The following NRL variants were observed in gnomAD, a reference collection of about 807,000 sequenced individuals.
The protein encoded by NRL is neural retina leucine zipper, also known as neural retina-specific leucine zipper protein.
In NRL, 16 loss-of-function variants were observed where a neutral mutation model predicts 12.5. The ratio of observed to expected loss-of-function variants is 1.28; its 90% CI spans 0.87 to 1.95. NRL has a LOEUF of 1.95. Ranked by LOEUF, NRL falls within the 30% of genes most tolerant of loss-of-function variation. NRL has a pLI of 0.00. For synonymous variants in NRL, 142 were observed against 150.9 expected (o/e 0.94, Z 0.43); for missense variants, 314 against 325.8 (o/e 0.96, Z 0.28).
chr14:24,081,992 A>C lies in NRL; in HGVS notation c.382-424T>G. Reference sequence around the variant, plus strand: ...GTGACCCTCACAGGATTTGGATTACATCCTAATGCCCGCAACACCCCCATC... The same window carrying C: ...GTGACCCTCACAGGATTTGGATTACCTCCTAATGCCCGCAACACCCCCATC... On this transcript the variant is annotated intron_variant, in intron 2 of 2. Transcript: ENST00000561028. The surrounding 1 kb of genome is among the most constrained non-coding windows in gnomAD (Gnocchi z 4.4). 8.3e-7 allele frequency: 1 copy of C among 1,209,580 alleles called. No individual in the cohort carries two copies. Among genetic ancestry groups the C allele is most frequent in the East Asian group, 5.7e-5 (1 of 17,560 alleles). 74.9% of individuals were successfully genotyped at this position (1,209,580 alleles called of 1,614,324 possible).
At chr14:24,112,925 C>G (rs1365007066) in intron 1 of NRL, among the ~76,000 whole-genome samples, 1 of 174 alleles carries the variant, frequency 5.7e-3, no homozygotes, top group East Asian at 0.25. Context: ...AAGACACATG[C>G]ACACGTATGT....
Position 24,079,383 on chromosome 14 carries a change from C to G in NRL, c.*1853G>C, listed in dbSNP as rs1427305406. Reference sequence around the variant, plus strand: ...GGAAGGACCCTCCCTGCCCCATCCTCTCCCTTCAACAATGAGTGTGGAAGG... The same window carrying G: ...GGAAGGACCCTCCCTGCCCCATCCTGTCCCTTCAACAATGAGTGTGGAAGG... On this transcript the variant is annotated 3_prime_UTR_variant, in exon 3 of 3. Transcript: ENST00000561028. Among the ~76,000 whole-genome samples the G allele has an allele frequency of 6.6e-6, 1 of 152,216 alleles. No individual in the cohort carries two copies. The highest frequency in any genetic ancestry group is 1.5e-5 in the Non-Finnish European group (1 of 68,052).
intron 1 of NRL, among the ~76,000 whole-genome samples, chr14:24,108,435 T>C (rs2037371023): frequency 6.6e-6 from 1 of 152,018 alleles, no homozygotes; most frequent in South Asian, 2.1e-4. Context: ...ATTCCTGGGC[T>C]CAAATGATCC....
chr14:24,099,282 G>A (rs753577973), intron 1 of NRL: 4 of 1,545,678 alleles, frequency 2.6e-6, no homozygotes, highest in Non-Finnish European at 3.5e-6. Flanking sequence ...GACAGGGCAG[G>A]GGTGGGGCCT....
At chr14:24,110,828 C>T (rs1252230988) in intron 1 of NRL, among the ~76,000 whole-genome samples, 1 of 152,192 alleles carries the variant, frequency 6.6e-6, no homozygotes, top group Non-Finnish European at 1.5e-5. Flanking sequence ...CAGCTTCCCT[C>T]TAATAAGAAA....
Position 24,094,482 on chromosome 14 carries a change from G to T in NRL, c.-27-11607C>A. The T allele has an allele frequency of 6.7e-7, 1 of 1,486,824 alleles. No homozygotes were observed. Among genetic ancestry groups the T allele is most frequent in the Non-Finnish European group, 8.9e-7 (1 of 1,125,734 alleles). 92.1% of individuals were successfully genotyped at this position (1,486,824 alleles called of 1,614,324 possible). ...CCCACCCGCACCTTCCGCTGCGCTC[G>T]CCCCCTCGGGGCTGCCAGTGGCGCT... On this transcript the variant is annotated intron_variant, in intron 1 of 2. Coordinates refer to ENST00000561028, the MANE Select transcript of NRL (RefSeq NM_001354768.3). This position sits in a 1 kb window ranked among gnomAD's most constrained non-coding sequence, Gnocchi z 4.1.
chr14:24,097,572 AAAAAG>A (rs2036949471), intron 1 of NRL, among the ~76,000 whole-genome samples: 1 of 131,570 alleles, frequency 7.6e-6, no homozygotes, highest in South Asian at 2.7e-4. Context: ...CTCAAAAAAA[AAAAAG>A]AAAGAAACTG....
At chr14:24,088,871 T>A (rs2138894117) in intron 1 of NRL, among the ~76,000 whole-genome samples, 1 of 147,426 alleles carries the variant, frequency 6.8e-6, no homozygotes, top group South Asian at 2.2e-4. Flanking sequence ...AGTGGCGCGA[T>A]CTTGGCTGAC....
intron 1 of NRL, chr14:24,095,216 T>C (rs1594282418): frequency 2.2e-6 from 1 of 455,874 alleles, no homozygotes; most frequent in South Asian, 1.5e-5. Flanking sequence ...TTGTGGGTGG[T>C]CTCTGAAGGA....
intron 1 of NRL, among the ~76,000 whole-genome samples, 162 bp from the exon 2 acceptor site, chr14:24,083,037 G>A (rs2036368738): frequency 6.6e-6 from 1 of 152,216 alleles, no homozygotes; most frequent in Non-Finnish European, 1.5e-5. Context: ...CCAGGCTGAA[G>A]AGTAACCTTT....
At chr14:24,098,087 TG>T in intron 1 of NRL, 1 of 787,790 alleles carries the variant, frequency 1.3e-6, no homozygotes, top group Non-Finnish European at 2.0e-6. Context: ...TGTGATTGGG[TG>T]GGGAAACATA....
chr14:24,091,466 T>A (rs904832823), intron 1 of NRL, among the ~76,000 whole-genome samples: 5 of 152,106 alleles, frequency 3.3e-5, no homozygotes, highest in African/African-American at 1.2e-4. Flanking sequence ...CAAGTGGGGA[T>A]GTGGGGGTGA....
chr14:24,078,788 C>A lies in NRL; in HGVS notation c.*2448G>T, dbSNP rs557208534. ...AAGTGAGGCTTGATTTTAACCCACC[C>A]ATGGTCAAAAAACTGGTAGAACTGC... is the stretch of plus-strand genomic sequence containing the variant. On this transcript the variant is annotated 3_prime_UTR_variant, in exon 3 of 3. Coordinates refer to ENST00000561028, the MANE Select transcript of NRL (RefSeq NM_001354768.3). Among the ~76,000 whole-genome samples the A allele has an allele frequency of 2.0e-5, 3 of 152,220 alleles. No individual in the cohort carries two copies. Among genetic ancestry groups the A allele is most frequent in the African/African-American group, 7.2e-5 (3 of 41,536 alleles).
At chr14:24,093,021 G>A (rs1010184272) in intron 1 of NRL, among the ~76,000 whole-genome samples, 2 of 152,206 alleles carry the variant, frequency 1.3e-5, no homozygotes, top group Non-Finnish European at 2.9e-5. Context: ...TCCCAGAGAG[G>A]GATCTCATGC....
intron 1 of NRL, chr14:24,099,684 G>A (rs1209710448): frequency 1.2e-6 from 2 of 1,614,004 alleles, no homozygotes. Flanking sequence ...GGAGTGTGTG[G>A]GGGATGATAT....
intron 1 of NRL, chr14:24,103,547 CT>C: frequency 1.3e-6 from 2 of 1,567,476 alleles, no homozygotes; most frequent in Non-Finnish European, 1.7e-6. Flanking sequence ...CCATGCGGCC[CT>C]TTTTTGGCTA....
At chr14:24,103,941 G>A (rs760207332) in intron 1 of NRL, 2 of 1,613,874 alleles carry the variant, frequency 1.2e-6, no homozygotes, top group East Asian at 4.5e-5. Flanking sequence ...TGAGGCCCTG[G>A]AGAGACGTGT....
intron 1 of NRL, among the ~76,000 whole-genome samples, chr14:24,113,421 T>TA (rs1481735922): frequency 6.7e-5 from 10 of 149,952 alleles, no homozygotes; most frequent in Non-Finnish European, 1.5e-4. Flanking sequence ...AGAACGCAGG[T>TA]AAAATCAATC....
chr14:24,079,266 C>T lies in NRL; in HGVS notation c.*1970G>A, dbSNP rs963817618. On this transcript the variant is annotated 3_prime_UTR_variant, in exon 3 of 3. Coordinates refer to ENST00000561028, the MANE Select transcript of NRL (RefSeq NM_001354768.3). The stretch of plus-strand genomic sequence containing the variant: ...GTGCCATGCAGGTGAGAAAAGTGAA[C>T]AAGAAAAGTAGTGGGTCTGAATTAC... Among the ~76,000 whole-genome samples the T allele has an allele frequency of 6.6e-6, 1 of 152,038 alleles. No homozygotes were observed. The highest frequency in any genetic ancestry group is 2.4e-5 in the African/African-American group (1 of 41,354).
Sources: allele counts gnomAD v4.1 joint callset (sites outside exome capture counted in the v4.1 genomes callset), GRCh38; gene constraint gnomAD v4.1.1; non-coding constraint Gnocchi (gnomAD v3.1); transcripts MANE v1.5; gene names NCBI Gene and HGNC (gene_info 2026-07-23, HGNC 2026-07-21).